Variants in CDC42BPA observed in about 807,000 individuals in gnomAD.
CDC42BPA encodes the protein serine/threonine-protein kinase MRCK alpha.
In CDC42BPA, 80 loss-of-function variants were observed where a neutral mutation model predicts 223.5. That is an observed-to-expected ratio of 0.36 (90% CI 0.30 to 0.43). CDC42BPA has a LOEUF of 0.43. Ranked by LOEUF, CDC42BPA falls within the 20% of genes least tolerant of loss-of-function variation. The pLI, the probability that CDC42BPA is intolerant of heterozygous loss-of-function variation, is 1.00. For missense variants in CDC42BPA, 1,743 were observed against 2,099.9 expected, an observed-to-expected ratio of 0.83 and a Z score of 3.32; for synonymous variants, 694 against 718.6, an observed-to-expected ratio of 0.97 and a Z score of 0.55.
At chr1:227,175,159 T>C (rs991323134) in intron 5 of CDC42BPA, among the ~76,000 whole-genome samples, 1 of 152,192 alleles carries the variant, frequency 6.6e-6, no homozygotes, top group African/African-American at 2.4e-5. Flanking sequence ...GTACATTCCA[T>C]GCAATCATGA....
At position 227,317,849 on chromosome 1, in the gene CDC42BPA, C is replaced by T; in HGVS notation, c.-667G>A. 1 of 398,708 alleles carries T rather than the reference C, an allele frequency of 2.5e-6. No homozygotes were observed. Among genetic ancestry groups the T allele is most frequent in the Non-Finnish European group, 4.4e-6 (1 of 226,106 alleles). The allele number at this position is 398,708 out of a possible 1,614,324, so 24.7% of individuals were successfully genotyped here. A position where few individuals can be genotyped will look rare whatever the true frequency, so the allele number is the denominator to read the frequency against. ...CCGGAGGCGGCTTTTCGTTTCTCCT[C>T]CCGAGGTCCTTCTTTCTTTAAGGCT... On this transcript the variant is annotated 5_prime_UTR_variant, in exon 1 of 37. Coordinates refer to ENST00000366766, the MANE Select transcript of CDC42BPA (RefSeq NM_001394014.1).
At chr1:227,104,706 ACT>A (rs1685608245) in intron 14 of CDC42BPA, among the ~76,000 whole-genome samples, 1 of 152,144 alleles carries the variant, frequency 6.6e-6, no homozygotes, top group Non-Finnish European at 1.5e-5. Context: ...ATTCATTAAG[ACT>A]GCGTCCTTAT....
chr1:227,234,104 T>C (rs1008540865), intron 2 of CDC42BPA, among the ~76,000 whole-genome samples: 9 of 152,104 alleles, frequency 5.9e-5, no homozygotes, highest in African/African-American at 9.7e-5. Flanking sequence ...AACCAGGTAT[T>C]AGGACTGGAC....
intron 2 of CDC42BPA, among the ~76,000 whole-genome samples, chr1:227,240,393 G>A (rs1679812432): frequency 6.6e-6 from 1 of 151,932 alleles, no homozygotes. Context: ...TACATCAGTA[G>A]GCTTTTATAA....
chr1:227,243,986 C>T (rs1359087318), intron 2 of CDC42BPA, among the ~76,000 whole-genome samples: 3 of 150,358 alleles, frequency 2.0e-5, no homozygotes, highest in African/African-American at 4.9e-5. Context: ...TAACACAATA[C>T]GGCCACTCAC....
chr1:227,170,041 G>C (rs1396423214), intron 5 of CDC42BPA, among the ~76,000 whole-genome samples: 1 of 151,914 alleles, frequency 6.6e-6, no homozygotes, highest in East Asian at 1.9e-4. Flanking sequence ...TTTTCATCTA[G>C]AACCTTGCCA....
intron 16 of CDC42BPA, among the ~76,000 whole-genome samples, chr1:227,090,102 T>TA (rs1301501297): frequency 4.6e-5 from 7 of 152,176 alleles, no homozygotes; most frequent in African/African-American, 1.7e-4. Context: ...ATTCATGGCT[T>TA]AAAAAATCAA....
intron 9 of CDC42BPA, among the ~76,000 whole-genome samples, chr1:227,141,354 T>A (rs1659629919): frequency 6.6e-6 from 1 of 152,188 alleles, no homozygotes. Flanking sequence ...GATGGAGAAC[T>A]GACATTTGTA....
intron 20 of CDC42BPA, 101 bp from the exon 21 acceptor site, chr1:227,069,954 ACT>A: frequency 2.9e-6 from 2 of 688,486 alleles, no homozygotes; most frequent in Non-Finnish European, 2.5e-6. Context: ...TTCACAAACT[ACT>A]GTATTTCAAA....
At chr1:227,163,816 G>T (rs1289677240) in intron 5 of CDC42BPA, among the ~76,000 whole-genome samples, 1 of 151,532 alleles carries the variant, frequency 6.6e-6, no homozygotes, top group Non-Finnish European at 1.5e-5. Context: ...GACATCATAA[G>T]GATGGTGTCC....
chr1:227,197,706 A>C (rs1402677626), intron 4 of CDC42BPA, among the ~76,000 whole-genome samples: 3 of 152,096 alleles, frequency 2.0e-5, no homozygotes, highest in East Asian at 1.9e-4. Context: ...GCAATGCACA[A>C]ATCTGCAGTG....
chr1:227,136,033 A>G (rs1422072018), intron 10 of CDC42BPA, among the ~76,000 whole-genome samples: 1 of 151,642 alleles, frequency 6.6e-6, no homozygotes, highest in Non-Finnish European at 1.5e-5. Context: ...AGACATTTGG[A>G]AAAGCAGAAA....
intron 21 of CDC42BPA, among the ~76,000 whole-genome samples, chr1:227,061,207 C>G (rs1675862546): frequency 6.6e-6 from 1 of 152,160 alleles, no homozygotes; most frequent in Admixed American, 6.5e-5. Context: ...AAGAACCTCT[C>G]TCATTCCTTC....
At chr1:227,012,170 C>T (rs1665339463) in intron 34 of CDC42BPA, among the ~76,000 whole-genome samples, 1 of 152,054 alleles carries the variant, frequency 6.6e-6, no homozygotes, top group African/African-American at 2.4e-5. Context: ...CGAAAATATA[C>T]TTTTATTAAC....
chr1:227,018,054 A>ATTATTATTAT (rs763076419), intron 32 of CDC42BPA, among the ~76,000 whole-genome samples: 21 of 149,282 alleles, frequency 1.4e-4, no homozygotes, highest in African/African-American at 3.7e-4. Flanking sequence ...TATTATTATT[A>ATTATTATTAT]TTATTTATTT....
chr1:227,077,616 C>T (rs1022149230), intron 17 of CDC42BPA, among the ~76,000 whole-genome samples: 1 of 152,120 alleles, frequency 6.6e-6, no homozygotes, highest in African/African-American at 2.4e-5. Flanking sequence ...GAATTTAATT[C>T]CCAAATTTAC....
chr1:227,133,506 T>C (rs1474031310), intron 10 of CDC42BPA, among the ~76,000 whole-genome samples: 1 of 151,958 alleles, frequency 6.6e-6, no homozygotes, highest in Admixed American at 6.5e-5. Flanking sequence ...ACAATGGCGG[T>C]TTTGTGGAAT....
In CDC42BPA at chr1:227,278,511, CA is replaced by C. The variant is rs1687494125; in HGVS notation, c.179-24357del. Among the ~76,000 whole-genome samples the C allele has an allele frequency of 2.0e-5, 3 of 152,244 alleles. No homozygotes were observed. The South Asian group carries it at 6.2e-4, about 32-fold the overall frequency. On this transcript the variant is annotated intron_variant, in intron 1 of 36. Coordinates refer to ENST00000366766, the MANE Select transcript of CDC42BPA (RefSeq NM_001394014.1). ...GTAGAACCCCAATGTTCTGGGATTC[CA>C]AAACAGCCTTTAAAATTCCCTTTTG...
chr1:227,273,997 A>G (rs1012561443), intron 1 of CDC42BPA, among the ~76,000 whole-genome samples: 1 of 49,832 alleles, frequency 2.0e-5, no homozygotes, highest in Non-Finnish European at 3.8e-5. Flanking sequence ...GTATACACCA[A>G]AAAAAAAAAA....
Sources: gnomAD v4.1 joint callset for allele counts (sites outside exome capture counted in the v4.1 genomes callset) on GRCh38, gnomAD v4.1.1 for gene constraint, MANE v1.5 for transcripts, NCBI Gene and HGNC (gene_info 2026-07-23, HGNC 2026-07-21) for gene names.